Variants in PRAMEF20 observed in about 807,000 individuals in gnomAD.
PRAMEF20 encodes the protein PRAME family member 20, also known as PRAME family member 20/21.
A neutral mutation model predicts 32.4 loss-of-function variants in PRAMEF20; 27 were observed. The observed-to-expected ratio is 0.83, with a 90% CI of 0.61 to 1.15. The LOEUF is 1.15. PRAMEF20 is among the 50% of genes most tolerant of loss of function. The probability of loss-of-function intolerance (pLI) is 0.00; values close to 1 mark genes in which losing one functional copy is unlikely to be tolerated. For missense variants in PRAMEF20, 604 were observed against 584.5 expected (o/e 1.03, Z -0.34); for synonymous variants, 256 against 235.4 (o/e 1.09, Z -0.80).
upstream of PRAMEF20, among the ~76,000 whole-genome samples, chr1:13,415,873 G>C (rs1641164189): frequency 6.6e-6 from 1 of 152,008 alleles, no homozygotes; most frequent in Non-Finnish European, 1.5e-5. Flanking sequence ...GAGAAAGAAA[G>C]TAAGCTTAAA....
At chr1:13,411,668 T>G (rs913486198), upstream of PRAMEF20, among the ~76,000 whole-genome samples, 2 of 152,182 alleles carry the variant, frequency 1.3e-5, no homozygotes, top group African/African-American at 4.8e-5. Context: ...TGGGATGCCT[T>G]AGAATTTTGA....
At chr1:13,419,341 G>T (rs1031744781) in intron 2 of PRAMEF20, among the ~76,000 whole-genome samples, 1 of 151,930 alleles carries the variant, frequency 6.6e-6, no homozygotes, top group African/African-American at 2.4e-5. Flanking sequence ...TAGAGATGGG[G>T]TTTCACCATG....
chr1:13,419,995 T>C (rs1351739142), intron 2 of PRAMEF20, among the ~76,000 whole-genome samples: 2 of 152,156 alleles, frequency 1.3e-5, no homozygotes, highest in Non-Finnish European at 2.9e-5. Context: ...TTGCTGATGA[T>C]ACAGGCGTGT....
upstream of PRAMEF20, among the ~76,000 whole-genome samples, chr1:13,414,987 A>G (rs1641154588): frequency 6.6e-6 from 1 of 150,532 alleles, no homozygotes; most frequent in South Asian, 2.1e-4. Flanking sequence ...TTTAGTAGAG[A>G]TGAGGTTTCA....
chr1:13,418,217 C>G lies in PRAMEF20; in HGVS notation c.383C>G (p.Ala128Gly), dbSNP rs1187515215. The G allele has an allele frequency of 3.1e-6, 5 of 1,613,742 alleles. No individual in the cohort carries two copies. In the Admixed American group the frequency reaches 8.3e-5, roughly 27 times the overall value. The change falls in exon 2 of 3, where the codon GCC becomes GGC. Residue 128 changes from alanine to glycine, a missense_variant. Coordinates refer to ENST00000602960, the Ensembl canonical transcript of PRAMEF20. ...ATGGCCCGTAGGTGCTTACCAAATG[C>G]CATGATGAACAGAAAACCACTGCAG... is the stretch of plus-strand genomic sequence containing the variant.
chr1:13,417,576 C>T (rs1212361198), intron 1 of PRAMEF20, among the ~76,000 whole-genome samples: 1 of 150,486 alleles, frequency 6.6e-6, no homozygotes, highest in African/African-American at 2.4e-5. Flanking sequence ...GCACTCCAGC[C>T]TGGGCGACAG....
chr1:13,416,261 G>C, upstream of PRAMEF20: 1 of 1,602,686 alleles, frequency 6.2e-7, no homozygotes, highest in Non-Finnish European at 8.5e-7. Context: ...CAATGACTTT[G>C]GCCCTGGGAG....
At chr1:13,412,925 C>G (rs543184972), upstream of PRAMEF20, among the ~76,000 whole-genome samples, 1,336 of 152,194 alleles carry the variant, frequency 8.8e-3, 11 homozygotes, top group African/African-American at 0.03. Context: ...CTCAGCCCCC[C>G]ACCCTGCAAC....
chr1:13,418,701 G>A lies in PRAMEF20; in HGVS notation c.866+1G>A. The A allele has an allele frequency of 1.9e-6, 3 of 1,613,414 alleles. No homozygotes were observed. Among genetic ancestry groups the A allele is most frequent in the Non-Finnish European group, 2.5e-6 (3 of 1,179,868 alleles). On this transcript the variant is annotated splice_donor_variant, in intron 2 of 2. Coordinates refer to ENST00000602960, the Ensembl canonical transcript of PRAMEF20. LOFTEE classifies it high-confidence loss of function. ...AAGGCCACCTGGACCAGATGCTCAGGTGAGGAAGGGTAGTGAGCTTTCTCT... is the reference window on the plus strand; with the variant it reads ...AAGGCCACCTGGACCAGATGCTCAGATGAGGAAGGGTAGTGAGCTTTCTCT...
the PRAMEF20 span, among the ~76,000 whole-genome samples, chr1:13,411,055 A>G: frequency 6.6e-6 from 1 of 151,984 alleles, no homozygotes; most frequent in African/African-American, 2.4e-5. Context: ...GTGGGGTTTC[A>G]CTATGTTGGC....
chr1:13,410,530 A>G, the PRAMEF20 span: 1 of 151,874 alleles, frequency 6.6e-6, no homozygotes, highest in Non-Finnish European at 1.5e-5. Context: ...CAGATCTGGT[A>G]AGTCCCTAAT....
At chr1:13,410,935 G>A in the PRAMEF20 span, among the ~76,000 whole-genome samples, 15 of 151,938 alleles carry the variant, frequency 9.9e-5, no homozygotes, top group Non-Finnish European at 2.1e-4. Context: ...TCGGCCCACT[G>A]CAACCTCCGC....
upstream of PRAMEF20, among the ~76,000 whole-genome samples, chr1:13,413,860 G>A (rs1279412372): frequency 3.3e-5 from 5 of 152,070 alleles, no homozygotes; most frequent in African/African-American, 1.2e-4. Flanking sequence ...CAGTCAGCCA[G>A]TCTCATAGTT....
At chr1:13,414,792 A>G (rs1236206430), upstream of PRAMEF20, among the ~76,000 whole-genome samples, 3 of 151,920 alleles carry the variant, frequency 2.0e-5, no homozygotes, top group African/African-American at 7.3e-5. Context: ...AAAACATTCT[A>G]TGTAATATAT....
intron 1 of PRAMEF20, among the ~76,000 whole-genome samples, chr1:13,417,245 C>T (rs2100433881): frequency 6.6e-6 from 1 of 152,178 alleles, no homozygotes; most frequent in East Asian, 1.9e-4. Flanking sequence ...CCATTTCTGT[C>T]CTATCAGAGT....
chr1:13,415,528 C>A (rs1374482430), upstream of PRAMEF20, among the ~76,000 whole-genome samples: 1 of 152,154 alleles, frequency 6.6e-6, no homozygotes, highest in Non-Finnish European at 1.5e-5. Flanking sequence ...TGCCTGTAAT[C>A]CCAGCACTTT....
chr1:13,416,228 G>A (rs1641167839), upstream of PRAMEF20: 2 of 1,541,492 alleles, frequency 1.3e-6, no homozygotes, highest in Admixed American at 3.4e-5. Context: ...AGTAAACTGA[G>A]GGCTCTTTCA....
chr1:13,420,539 C>G (rs1641230851), intron 2 of PRAMEF20, among the ~76,000 whole-genome samples, 158 bp from the exon 4 acceptor site: 1 of 152,214 alleles, frequency 6.6e-6, no homozygotes, highest in Non-Finnish European at 1.5e-5. Context: ...TGGCAAAGCT[C>G]TTCATCACGC....
At chr1:13,415,745 G>A (rs1641161392), upstream of PRAMEF20, among the ~76,000 whole-genome samples, 2 of 131,508 alleles carry the variant, frequency 1.5e-5, no homozygotes, top group Non-Finnish European at 3.2e-5. Flanking sequence ...AGCTGAGATT[G>A]CACCACTGCA....
Sources: allele counts gnomAD v4.1 joint callset (sites outside exome capture counted in the v4.1 genomes callset), GRCh38; gene constraint gnomAD v4.1.1; transcripts MANE v1.5; gene names NCBI Gene and HGNC (gene_info 2026-07-23, HGNC 2026-07-21).